GPR89B: variants seen among roughly 807,000 people sequenced by gnomAD.
The protein encoded by GPR89B is G protein-coupled receptor 89B.
Under a neutral mutation model 52.4 loss-of-function variants are expected in GPR89B, and 25 were observed. The ratio of observed to expected loss-of-function variants is 0.48; its 90% CI spans 0.35 to 0.67. The LOEUF (loss-of-function observed/expected upper bound fraction) is 0.67. Among genes scored for constraint, GPR89B ranks in the 30% least tolerant of loss-of-function variants. The pLI, the probability that GPR89B is intolerant of heterozygous loss-of-function variation, is 0.01. For missense variants in GPR89B, 146 were observed against 450.2 expected, an observed-to-expected ratio of 0.32 and a Z score of 6.11; for synonymous variants, 52 against 151.2, an observed-to-expected ratio of 0.34 and a Z score of 4.81.
chr1:148,005,535 A>T, the GPR89B span: 2 of 1,585,548 alleles, frequency 1.3e-6, no homozygotes, highest in East Asian at 2.2e-5. Context: ...GGTAAACTCC[A>T]TGTGGAGACA....
intron 10 of GPR89B, among the ~76,000 whole-genome samples, chr1:147,982,906 C>A (rs1571312381): frequency 6.6e-6 from 1 of 152,044 alleles, no homozygotes; most frequent in East Asian, 1.9e-4. Flanking sequence ...CTCTTTGAAG[C>A]AATTGTGAAT....
intron 7 of GPR89B, among the ~76,000 whole-genome samples, chr1:147,956,679 T>A (rs1332122162): frequency 1.3e-5 from 2 of 151,798 alleles, no homozygotes; most frequent in African/African-American, 4.8e-5. Context: ...TGGAAAGATA[T>A]CCCATGTTCA....
chr1:148,014,319 G>C, the GPR89B span: 1 of 151,856 alleles, frequency 6.6e-6, no homozygotes, highest in African/African-American at 2.4e-5. Context: ...CGTAAGCTTC[G>C]GTGAGAACAC....
At chr1:148,017,348 C>A in the GPR89B span, among the ~76,000 whole-genome samples, 3 of 151,448 alleles carry the variant, frequency 2.0e-5, no homozygotes, top group Admixed American at 6.6e-5. Flanking sequence ...GGCCTATACA[C>A]AAACTTTTGT....
chr1:148,019,500 A>T, the GPR89B span, among the ~76,000 whole-genome samples: 2 of 151,950 alleles, frequency 1.3e-5, no homozygotes, highest in Admixed American at 6.5e-5. Flanking sequence ...AGTGATGGGA[A>T]GATCTGTGCA....
the GPR89B span, among the ~76,000 whole-genome samples, chr1:148,020,812 C>T: frequency 6.6e-6 from 1 of 151,834 alleles, no homozygotes; most frequent in Non-Finnish European, 1.5e-5. Context: ...CTCAGCCTCC[C>T]AGGTAGCTGC....
chr1:147,968,854 T>G, intron 8 of GPR89B, 21 bp from the exon 9 acceptor site: 1 of 1,613,194 alleles, frequency 6.2e-7, no homozygotes. Context: ...GATTAAAACC[T>G]TGATGCCCAT....
intron 8 of GPR89B, chr1:147,968,239 C>T (rs1316963085): frequency 5.1e-5 from 23 of 453,560 alleles, no homozygotes; most frequent in African/African-American, 1.6e-4. Flanking sequence ...CATAGTGTAA[C>T]GGAAAGAGCA....
Position 147,968,975 on chromosome 1 carries a change from G to A in GPR89B, c.816+12G>A, listed in dbSNP as rs1412657098. 142 of 1,579,760 alleles carry A rather than the reference G, an allele frequency of 9.0e-5. No individual in the cohort carries two copies. In the African/African-American group the frequency reaches 1.4e-3, roughly 16 times the overall value. On this transcript the variant is annotated intron_variant, in intron 9 of 13. Coordinates refer to ENST00000314163, the MANE Select transcript of GPR89B (RefSeq NM_016334.5). ...TATATGCTACCAAGGTACAGAGCAA[G>A]GAAACTGAAGTGTGGTTTTTACCAA...
At chr1:147,991,617 C>T (rs1413344516) in intron 12 of GPR89B, among the ~76,000 whole-genome samples, 21 of 152,216 alleles carry the variant, frequency 1.4e-4, no homozygotes, top group African/African-American at 5.1e-4. Flanking sequence ...TTTCGAGATA[C>T]GTCCCATCAA....
chr1:147,973,525 T>C (rs1301354417), intron 10 of GPR89B, among the ~76,000 whole-genome samples: 1 of 152,006 alleles, frequency 6.6e-6, no homozygotes, highest in African/African-American at 2.4e-5. Flanking sequence ...TTTGATTTTT[T>C]TCTTGTAAAT....
rs1257721546 is a variant in GPR89B at position 147,990,044 on chromosome 1, C to G, written c.1095+1523C>G. ...GATCCTTGAGGAATCGCCACACTGC[C>G]TTCCACAATGGTTGAACTAGTTTAC... On this transcript the variant is annotated intron_variant, in intron 12 of 13. Transcript: ENST00000314163. Among the ~76,000 whole-genome samples the G allele has an allele frequency of 7.7e-3, 1,170 of 152,324 alleles. 10 individuals carry two copies. The highest frequency in any genetic ancestry group is 0.026 in the African/African-American group (1,096 of 41,576).
rs1571252609 is a variant in GPR89B at position 147,949,884 on chromosome 1, G to A, written c.416-3461G>A. 3.8e-4 allele frequency among the ~76,000 whole-genome samples: 46 copies of A among 122,004 alleles called. No homozygotes were observed. In the South Asian group the frequency reaches 0.011, roughly 29 times the overall value. 80.0% of individuals were successfully genotyped at this position (122,004 alleles called of 152,430 possible). A position where few individuals can be genotyped will look rare whatever the true frequency, so the allele number is the denominator to read the frequency against. On this transcript the variant is annotated intron_variant, in intron 5 of 13. Coordinates refer to ENST00000314163, the MANE Select transcript of GPR89B (RefSeq NM_016334.5). ...CCAGTAGGGGCGGCCGGGCAGAGGC[G>A]CCCCTCACCTCCCGGACGGGGCGGC... is the stretch of plus-strand genomic sequence containing the variant.
the GPR89B span, among the ~76,000 whole-genome samples, chr1:148,007,419 T>C: frequency 6.6e-6 from 1 of 152,046 alleles, no homozygotes; most frequent in Non-Finnish European, 1.5e-5. Flanking sequence ...TACATATTTA[T>C]AGGGTGTGTG....
chr1:147,975,433 A>T, intron 10 of GPR89B, among the ~76,000 whole-genome samples: 1 of 147,020 alleles, frequency 6.8e-6, no homozygotes, highest in African/African-American at 2.5e-5. Flanking sequence ...TTTCTTCTAG[A>T]TTTTCTAGTT....
chr1:147,971,715 T>C (rs2784384), intron 10 of GPR89B, among the ~76,000 whole-genome samples: 6 of 143,088 alleles, frequency 4.2e-5, no homozygotes, highest in South Asian at 2.2e-4. Flanking sequence ...CTCCTGACCT[T>C]GTGATGCGCC....
chr1:147,996,566 T>A, downstream of GPR89B: 1 of 1,610,124 alleles, frequency 6.2e-7, no homozygotes, highest in Non-Finnish European at 8.5e-7. Flanking sequence ...CGCATTTAAG[T>A]GAAAGCCATA....
At chr1:148,012,504 C>A in the GPR89B span, among the ~76,000 whole-genome samples, 1 of 149,826 alleles carries the variant, frequency 6.7e-6, no homozygotes, top group Non-Finnish European at 1.5e-5. Flanking sequence ...GCCCCACTCC[C>A]CCACCCCCGC....
downstream of GPR89B, among the ~76,000 whole-genome samples, chr1:147,997,345 G>T (rs1371454815): frequency 2.0e-5 from 3 of 152,200 alleles, no homozygotes; most frequent in Non-Finnish European, 2.9e-5. Flanking sequence ...ATGCGAGTCT[G>T]AGTGAACTAC....
Sources: gnomAD v4.1 joint callset for allele counts (sites outside exome capture counted in the v4.1 genomes callset) on GRCh38, gnomAD v4.1.1 for gene constraint, MANE v1.5 for transcripts, NCBI Gene and HGNC (gene_info 2026-07-23, HGNC 2026-07-21) for gene names.